Variants in MGAT4C observed in about 807,000 individuals in gnomAD.
The protein encoded by MGAT4C is MGAT4 family member C, also known as alpha-1,3-mannosyl-glycoprotein 4-beta-N-acetylglucosaminyltransferase C.
Under a neutral mutation model 40.1 loss-of-function variants are expected in MGAT4C, and 19 were observed. The observed-to-expected ratio is 0.47, with a 90% confidence interval of 0.33 to 0.70. The LOEUF (loss-of-function observed/expected upper bound fraction) is 0.70, where lower values mean the gene tolerates loss of function less well. Among genes scored for constraint, MGAT4C ranks in the 30% least tolerant of loss-of-function variants. MGAT4C has a pLI of 0.02. For missense variants in MGAT4C, 491 were observed against 563.2 expected, an observed-to-expected ratio of 0.87 and a Z score of 1.30; for synonymous variants, 181 against 187.1, an observed-to-expected ratio of 0.97 and a Z score of 0.27.
chr12:86,363,978 A>ACACT (rs1161318903), intron 3 of MGAT4C, among the ~76,000 whole-genome samples: 1 of 151,740 alleles, frequency 6.6e-6, no homozygotes, highest in Non-Finnish European at 1.5e-5. Flanking sequence ...TCTCTCACAC[A>ACACT]CACACACACA....
At chr12:86,218,976 C>A (rs1414247264) in intron 1 of MGAT4C, among the ~76,000 whole-genome samples, 5 of 151,916 alleles carry the variant, frequency 3.3e-5, no homozygotes, top group African/African-American at 1.2e-4. Context: ...GTCAAGAGAT[C>A]GAGACCATCC....
At chr12:86,328,618 A>G (rs966700549) in intron 4 of MGAT4C, among the ~76,000 whole-genome samples, 4 of 152,194 alleles carry the variant, frequency 2.6e-5, no homozygotes, top group African/African-American at 9.6e-5. Flanking sequence ...TGTGAGATTC[A>G]TATTATGAAG....
chr12:86,223,395 A>G (rs1273695950), intron 1 of MGAT4C, among the ~76,000 whole-genome samples: 1 of 152,154 alleles, frequency 6.6e-6, no homozygotes, highest in Non-Finnish European at 1.5e-5. Flanking sequence ...CAAGGACAAA[A>G]AAGGGTAGGG....
intron 2 of MGAT4C, among the ~76,000 whole-genome samples, chr12:86,666,718 A>C (rs1405077621): frequency 6.6e-6 from 1 of 152,192 alleles, no homozygotes; most frequent in Admixed American, 6.5e-5. Context: ...AAAAGATTTC[A>C]AGTTTTTTTC....
chr12:86,318,113 C>T (rs1392273536), intron 4 of MGAT4C, among the ~76,000 whole-genome samples: 1 of 151,928 alleles, frequency 6.6e-6, no homozygotes, highest in Non-Finnish European at 1.5e-5. Flanking sequence ...GCTGGAAGTA[C>T]ATAAACAAAT....
chr12:86,031,321 A>G (rs747221381), intron 2 of MGAT4C, among the ~76,000 whole-genome samples: 1 of 151,796 alleles, frequency 6.6e-6, no homozygotes, highest in Non-Finnish European at 1.5e-5. Context: ...AATGGTCTGC[A>G]TAGAAATTTA....
rs1274497237 is a variant in MGAT4C at position 85,973,459 on chromosome 12, G to A, written c.*5830C>T. 6.6e-6 allele frequency: 1 copy of A among 150,694 alleles called. No homozygotes were observed. The highest frequency in any genetic ancestry group is 1.5e-5 in the Non-Finnish European group (1 of 67,032). The allele number at this position is 150,694 out of a possible 1,614,324, so 9.3% of individuals were successfully genotyped here. A position where few individuals can be genotyped will look rare whatever the true frequency, so the allele number is the denominator to read the frequency against. On this transcript the variant is annotated 3_prime_UTR_variant, in exon 5 of 5. Transcript: ENST00000611864. ...AGGTTCTGAATATTGGTAACTCACTGTTGTTGTGCACCTTTAAACAACTCT... is the reference window on the plus strand; with the variant it reads ...AGGTTCTGAATATTGGTAACTCACTATTGTTGTGCACCTTTAAACAACTCT...
chr12:86,544,995 A>G (rs1959185937), intron 2 of MGAT4C, among the ~76,000 whole-genome samples: 1 of 152,052 alleles, frequency 6.6e-6, no homozygotes, highest in South Asian at 2.1e-4. Flanking sequence ...TTAGTCTTTT[A>G]TTTTTTATAA....
At chr12:86,645,047 A>G (rs1963499276) in intron 2 of MGAT4C, among the ~76,000 whole-genome samples, 1 of 151,630 alleles carries the variant, frequency 6.6e-6, no homozygotes, top group Non-Finnish European at 1.5e-5. Context: ...TTATATACAT[A>G]TGTGATCTCA....
intron 2 of MGAT4C, among the ~76,000 whole-genome samples, chr12:86,618,521 C>T (rs891547228): frequency 6.6e-6 from 1 of 152,008 alleles, no homozygotes; most frequent in Non-Finnish European, 1.5e-5. Flanking sequence ...TTTGTCATTT[C>T]GAGCAACATA....
At chr12:86,834,175 GATATA>G (rs1952989782) in intron 1 of MGAT4C, among the ~76,000 whole-genome samples, 1 of 3,142 alleles carries the variant, frequency 3.2e-4, no homozygotes, top group African/African-American at 9.8e-4. Flanking sequence ...GAGATAGATA[GATATA>G]GATATAGATA....
intron 3 of MGAT4C, among the ~76,000 whole-genome samples, chr12:86,386,528 T>C (rs556066685): frequency 1.4e-4 from 22 of 152,314 alleles, no homozygotes; most frequent in African/African-American, 5.1e-4. Context: ...TTGAAACATA[T>C]CTTATTTTGA....
chr12:86,168,910 C>A (rs2135823343), intron 1 of MGAT4C, among the ~76,000 whole-genome samples: 1 of 152,186 alleles, frequency 6.6e-6, no homozygotes. Context: ...TGGCTGAGTA[C>A]AATCTTATGA....
intron 4 of MGAT4C, among the ~76,000 whole-genome samples, chr12:86,331,323 G>A (rs956391486): frequency 6.6e-6 from 1 of 152,092 alleles, no homozygotes; most frequent in Non-Finnish European, 1.5e-5. Context: ...GGGGTTGCAT[G>A]AGCAGTGTGT....
chr12:86,503,813 T>TATA (rs1958419635), intron 2 of MGAT4C, among the ~76,000 whole-genome samples: 1 of 128,410 alleles, frequency 7.8e-6, no homozygotes, highest in Non-Finnish European at 1.7e-5. Flanking sequence ...TATATATATA[T>TATA]GAGTTCTGCT....
intron 2 of MGAT4C, among the ~76,000 whole-genome samples, chr12:86,492,778 A>G (rs1413734050): frequency 3.9e-5 from 6 of 152,186 alleles, no homozygotes; most frequent in Admixed American, 3.9e-4. Flanking sequence ...AATGGCAACA[A>G]AACCGAAAAT....
chr12:86,808,101 T>C (rs10858490), intron 1 of MGAT4C, among the ~76,000 whole-genome samples: 26,611 of 152,002 alleles, frequency 0.18, 2,600 homozygotes, highest in East Asian at 0.42. Context: ...AAGCCCTGAA[T>C]AGACCAATAA....
chr12:86,603,770 T>TTAG (rs1961930857), intron 2 of MGAT4C, among the ~76,000 whole-genome samples: 1 of 93,440 alleles, frequency 1.1e-5, no homozygotes, highest in Non-Finnish European at 2.0e-5. Context: ...TATAGTATAA[T>TTAG]TATATATACT....
At chr12:86,796,776 T>C (rs1017367843) in intron 1 of MGAT4C, among the ~76,000 whole-genome samples, 6 of 151,920 alleles carry the variant, frequency 3.9e-5, no homozygotes, top group African/African-American at 1.2e-4. Flanking sequence ...CAAAACATCA[T>C]GGATGTAAGT....
Sources: gnomAD v4.1 joint callset for allele counts (sites outside exome capture counted in the v4.1 genomes callset) on GRCh38, gnomAD v4.1.1 for gene constraint, MANE v1.5 for transcripts, NCBI Gene and HGNC (gene_info 2026-07-23, HGNC 2026-07-21) for gene names.